The following TRAF3 variants were observed in gnomAD, a reference collection of about 807,000 sequenced individuals.
TRAF3 encodes TNF receptor-associated factor 3.
TRAF3 carries 13 observed loss-of-function variants against 62.3 expected under a neutral mutation model. The ratio of observed to expected loss-of-function variants is 0.21; its 90% confidence interval spans 0.14 to 0.33. The LOEUF (loss-of-function observed/expected upper bound fraction) is 0.33. Among genes scored for constraint, TRAF3 ranks in the 10% least tolerant of loss-of-function variants. The pLI, the probability that TRAF3 is intolerant of heterozygous loss-of-function variation, is 1.00. For synonymous variants in TRAF3, 269 were observed against 283.4 expected, an observed-to-expected ratio of 0.95 and a Z score of 0.51; for missense variants, 440 against 741.8, an observed-to-expected ratio of 0.59 and a Z score of 4.73.
intron 1 of TRAF3, among the ~76,000 whole-genome samples, chr14:102,783,844 C>T (rs1015771947): frequency 1.3e-5 from 2 of 152,116 alleles, no homozygotes; most frequent in African/African-American, 4.8e-5. Context: ...GGCTGCTTGG[C>T]CCCGCTGAAT....
intron 1 of TRAF3, among the ~76,000 whole-genome samples, chr14:102,815,395 T>G (rs1899453102): frequency 6.6e-6 from 1 of 151,890 alleles, no homozygotes; most frequent in Non-Finnish European, 1.5e-5. Flanking sequence ...CTTGCTGTAT[T>G]GCCAGGCTGG....
chr14:102,865,268 T>C (rs918707423), intron 2 of TRAF3, among the ~76,000 whole-genome samples: 6 of 152,202 alleles, frequency 3.9e-5, no homozygotes, highest in Non-Finnish European at 5.9e-5. Context: ...GTCACGGGGC[T>C]GCCGGCTGGG....
intron 2 of TRAF3, among the ~76,000 whole-genome samples, chr14:102,855,472 A>G (rs1300866116): frequency 1.3e-5 from 2 of 152,102 alleles, no homozygotes; most frequent in Non-Finnish European, 1.5e-5. Flanking sequence ...CAGTTTTTCC[A>G]CATCCTAACA....
intron 1 of TRAF3, among the ~76,000 whole-genome samples, chr14:102,819,054 C>CT (rs1899730663): frequency 7.3e-6 from 1 of 136,654 alleles, no homozygotes; most frequent in Non-Finnish European, 1.6e-5. Flanking sequence ...GACTCTGTCT[C>CT]TAAAAAAAAA....
At chr14:102,876,647 G>C in intron 6 of TRAF3, 122 bp downstream of exon 6, 6 of 1,283,662 alleles carry the variant, frequency 4.7e-6, no homozygotes, top group Non-Finnish European at 6.5e-6. Context: ...TAGATAATCC[G>C]TTCCACAGGC....
chr14:102,802,692 G>A (rs1898515913), intron 1 of TRAF3, among the ~76,000 whole-genome samples: 1 of 151,652 alleles, frequency 6.6e-6, no homozygotes, highest in African/African-American at 2.4e-5. Flanking sequence ...AGCCGGGTGT[G>A]TGGCGGGCGC....
intron 2 of TRAF3, among the ~76,000 whole-genome samples, chr14:102,862,313 T>G (rs567073520): frequency 6.6e-6 from 1 of 151,808 alleles, no homozygotes; most frequent in East Asian, 1.9e-4. Context: ...GCAGGAGGAT[T>G]GCTTGATCCC....
At chr14:102,853,000 T>G (rs1209104237) in intron 2 of TRAF3, among the ~76,000 whole-genome samples, 4 of 152,012 alleles carry the variant, frequency 2.6e-5, no homozygotes, top group Non-Finnish European at 5.9e-5. Context: ...TTCAAACGAT[T>G]CTCATATTCT....
chr14:102,795,343 TGAGGG>T (rs1486691687), intron 1 of TRAF3, among the ~76,000 whole-genome samples: 2 of 152,226 alleles, frequency 1.3e-5, no homozygotes, highest in Non-Finnish European at 2.9e-5. Context: ...TTGGGATTAA[TGAGGG>T]AAGAGCTATG....
At chr14:102,840,596 TG>T (rs1157863321) in intron 2 of TRAF3, among the ~76,000 whole-genome samples, 1 of 152,198 alleles carries the variant, frequency 6.6e-6, no homozygotes, top group East Asian at 1.9e-4. Flanking sequence ...AGCTCCAGCA[TG>T]GCTTGGCAAG....
intron 3 of TRAF3, among the ~76,000 whole-genome samples, chr14:102,870,885 G>A (rs1259745115): frequency 2.0e-5 from 3 of 152,236 alleles, no homozygotes; most frequent in Non-Finnish European, 2.9e-5. Flanking sequence ...AACCTAGGCC[G>A]CATGCTTACT....
intron 1 of TRAF3, among the ~76,000 whole-genome samples, chr14:102,823,681 G>T (rs1264034687): frequency 3.3e-5 from 5 of 152,138 alleles, no homozygotes; most frequent in Non-Finnish European, 5.9e-5. Flanking sequence ...CTCATTAAGT[G>T]GTGTCTATTG....
In TRAF3 at chr14:102,887,697, C is replaced by T. The variant is rs373416814; in HGVS notation, c.651+1428C>T. 1.1e-4 allele frequency among the ~76,000 whole-genome samples: 16 copies of T among 152,126 alleles called. 1 individual carries two copies. The highest frequency in any genetic ancestry group is 3.9e-4 in the African/African-American group (16 of 41,490). ...GCATGCTCTGCCTCCTGGGTTCACACCATTCTCCTGCCTCAGCCTCCCGAG... is the reference window on the plus strand; with the variant it reads ...GCATGCTCTGCCTCCTGGGTTCACATCATTCTCCTGCCTCAGCCTCCCGAG... On this transcript the variant is annotated intron_variant, in intron 7 of 11. Transcript: ENST00000392745.
At chr14:102,811,913 C>CTTTTTTT (rs71119743) in intron 1 of TRAF3, among the ~76,000 whole-genome samples, 1,465 of 47,074 alleles carry the variant, frequency 0.031, 481 homozygotes, top group Middle Eastern at 0.091. Context: ...ATGCCTGGCC[C>CTTTTTTT]TTTTTTTTTT....
intron 9 of TRAF3, among the ~76,000 whole-genome samples, chr14:102,892,046 TC>T (rs373970964): frequency 4.0e-5 from 6 of 148,628 alleles, no homozygotes; most frequent in Admixed American, 3.3e-4. Context: ...CCCATGCTGT[TC>T]TTTTTTTTTT....
Position 102,906,113 on chromosome 14 carries a change from C to T in TRAF3, c.*329C>T, listed in dbSNP as rs1890573579. On this transcript the variant is annotated 3_prime_UTR_variant, in exon 12 of 12. Transcript: ENST00000392745. ...AACAAAAGAAACATGATTTTTCTTC[C>T]TTAAACTTGAACACCAAAAAAACAC... 4.4e-6 allele frequency: 1 copy of T among 225,512 alleles called. No homozygotes were observed. Among genetic ancestry groups the T allele is most frequent in the Non-Finnish European group, 8.8e-6 (1 of 113,372 alleles). The allele number at this position is 225,512 out of a possible 1,614,324, so 14.0% of individuals were successfully genotyped here.
At chr14:102,841,083 A>G (rs1454807675) in intron 2 of TRAF3, among the ~76,000 whole-genome samples, 1 of 152,216 alleles carries the variant, frequency 6.6e-6, no homozygotes, top group African/African-American at 2.4e-5. Context: ...TTTCTGACAC[A>G]AACAGCCTTA....
At chr14:102,896,074 A>T (rs571126865) in intron 9 of TRAF3, among the ~76,000 whole-genome samples, 3 of 152,160 alleles carry the variant, frequency 2.0e-5, no homozygotes, top group Non-Finnish European at 4.4e-5. Flanking sequence ...GTTTATATTT[A>T]TGGGGTACAG....
At chr14:102,811,520 G>T (rs1181084526) in intron 1 of TRAF3, among the ~76,000 whole-genome samples, 2 of 147,812 alleles carry the variant, frequency 1.4e-5, no homozygotes, top group Non-Finnish European at 3.0e-5. Flanking sequence ...CACCTACAAG[G>T]AGCTCAAGGA....
Sources: allele counts gnomAD v4.1 joint callset (sites outside exome capture counted in the v4.1 genomes callset), GRCh38; gene constraint gnomAD v4.1.1; transcripts MANE v1.5; gene names NCBI Gene and HGNC (gene_info 2026-07-23, HGNC 2026-07-21).